NDRG4: variants seen among roughly 807,000 people sequenced by gnomAD.
The protein encoded by NDRG4 is protein NDRG4.
NDRG4 carries 38 observed loss-of-function variants against 55.8 expected under a neutral mutation model. The observed-to-expected ratio is 0.68, with a 90% CI of 0.53 to 0.89. The LOEUF (loss-of-function observed/expected upper bound fraction) is 0.89. Ranked by LOEUF, NDRG4 falls within the 40% of genes least tolerant of loss-of-function variation. The probability of loss-of-function intolerance (pLI) is 0.00; values close to 1 mark genes in which losing one functional copy is unlikely to be tolerated. For missense variants in NDRG4, 455 were observed against 468.6 expected (o/e 0.97, Z 0.27); for synonymous variants, 190 against 182.7 (o/e 1.04, Z -0.32).
rs2038668589 is a variant in NDRG4, at chr16:58,510,550, C to T, written c.866-95C>T. The T allele has an allele frequency of 9.4e-6, 10 of 1,062,996 alleles. No homozygotes were observed. The South Asian group carries it at 1.3e-4, about 14-fold the overall frequency. The allele number at this position is 1,062,996 out of a possible 1,614,324, so 65.8% of individuals were successfully genotyped here. On this transcript the variant is annotated intron_variant, in intron 13 of 14. Transcript: ENST00000570248. ...CCTGTCCTTTGTCCCATCTCTCTGG[C>T]TCATCTCAATGCCCTTGACTCAGCG...
At chr16:58,489,322 T>G (rs2035498000) in intron 2 of NDRG4, among the ~76,000 whole-genome samples, 1 of 151,950 alleles carries the variant, frequency 6.6e-6, no homozygotes, top group South Asian at 2.1e-4. Context: ...ACTTCTCTGC[T>G]TAACGAGCCA....
rs1425202382 is a variant in NDRG4, at chr16:58,508,978, A to G, written c.746A>G (p.Lys249Arg). The G allele has an allele frequency of 6.2e-7, 1 of 1,613,998 alleles. No individual in the cohort carries two copies. The highest frequency in any genetic ancestry group is 8.5e-7 in the Non-Finnish European group (1 of 1,179,970). The change falls in exon 11 of 15, where the codon AAA becomes AGA. Residue 249 changes from lysine to arginine, a missense_variant. Transcript: ENST00000570248. ...TGTCCTCAGGTGGAGTGCAACTCCA[A>G]ACTGGACCCGACCACTACGACCTTC... ...AEDGVVECNS[K>R]LDPTTTTFLK...
chr16:58,505,816 G>A (rs932311402), intron 5 of NDRG4, among the ~76,000 whole-genome samples: 1 of 141,624 alleles, frequency 7.1e-6, no homozygotes, highest in African/African-American at 2.6e-5. Context: ...CCACCTCCCT[G>A]GTTCAAGCAA....
Position 58,500,203 on chromosome 16 carries a change from C to G in NDRG4, c.-46C>G. On this transcript the variant is annotated 5_prime_UTR_variant, in exon 1 of 15. Transcript: ENST00000570248. ...CCCTCTGGACCCGAGTGACTCAGGC[C>G]TTTGTTTGTCCTTCCTGGTAGAGGC... 1 of 1,536,068 alleles carries G rather than the reference C, an allele frequency of 6.5e-7. No individual in the cohort carries two copies. Among genetic ancestry groups the G allele is most frequent in the Non-Finnish European group, 8.7e-7 (1 of 1,146,856 alleles).
intron 1 of NDRG4, among the ~76,000 whole-genome samples, chr16:58,481,435 G>C (rs1369627913): frequency 6.6e-6 from 1 of 152,084 alleles, no homozygotes; most frequent in African/African-American, 2.4e-5. Flanking sequence ...CTAAGACAGT[G>C]GGAATGTGCT....
At position 58,482,063 on chromosome 16, in the gene NDRG4, C is replaced by T. The variant is rs1461955957; in HGVS notation, c.-23-5693C>T. 3.9e-5 allele frequency among the ~76,000 whole-genome samples: 6 copies of T among 152,256 alleles called. No homozygotes were observed. In the East Asian group the frequency reaches 9.7e-4, roughly 25 times the overall value. On this transcript the variant is annotated intron_variant, in intron 1 of 15. Coordinates refer to the NDRG4 transcript ENST00000258187. ...CAGTAGGGATACACCAGGCCCACGGCGCCTGGGTGCAGAGGCCTGGACATG... is the reference window on the plus strand; with the variant it reads ...CAGTAGGGATACACCAGGCCCACGGTGCCTGGGTGCAGAGGCCTGGACATG...
At chr16:58,509,081 G>C (rs1455591462) in intron 11 of NDRG4, 72 bp downstream of exon 11, 1 of 1,613,724 alleles carries the variant, frequency 6.2e-7, no homozygotes, top group Non-Finnish European at 8.5e-7. Flanking sequence ...TGTTTTCCTG[G>C]GGTCCCAGCC....
At chr16:58,470,821 C>T (rs1038773585) in intron 1 of NDRG4, among the ~76,000 whole-genome samples, 3 of 147,664 alleles carry the variant, frequency 2.0e-5, no homozygotes, top group South Asian at 2.1e-4. Flanking sequence ...GCAGGAGGAT[C>T]GCTTGAACCT....
intron 1 of NDRG4, among the ~76,000 whole-genome samples, chr16:58,479,281 G>C (rs2034114096): frequency 6.6e-6 from 1 of 152,160 alleles, no homozygotes; most frequent in Non-Finnish European, 1.5e-5. Context: ...CTCTGTTTGA[G>C]TGGAGCTGCC....
intron 1 of NDRG4, among the ~76,000 whole-genome samples, chr16:58,478,993 G>A (rs960611280): frequency 2.0e-5 from 3 of 151,906 alleles, no homozygotes; most frequent in African/African-American, 7.3e-5. Flanking sequence ...GCCAATATAT[G>A]TACCTGTTCA....
In NDRG4 at chr16:58,510,700, T is replaced by A. The variant is rs1429333505; in HGVS notation, c.904+17T>A. On this transcript the variant is annotated intron_variant, in intron 14 of 14. Coordinates refer to ENST00000570248, the MANE Select transcript of NDRG4 (RefSeq NM_001242835.2). Reference sequence around the variant, plus strand: ...GAGGAGCAGGTAGCCCCACGGCCCTTCCCCTGATGCATGGACGCCCAGCCT... The same window carrying A: ...GAGGAGCAGGTAGCCCCACGGCCCTACCCCTGATGCATGGACGCCCAGCCT... 1.7e-5 allele frequency: 26 copies of A among 1,535,414 alleles called. No homozygotes were observed. Among genetic ancestry groups the A allele is most frequent in the Non-Finnish European group, 2.3e-5 (26 of 1,146,496 alleles).
At chr16:58,499,688 T>G (rs2036823397), upstream of NDRG4, 1 of 158,776 alleles carries the variant, frequency 6.3e-6, no homozygotes, top group Non-Finnish European at 1.4e-5. Flanking sequence ...TGGGGCCCTC[T>G]CGGGCCCTCC....
chr16:58,505,708 ATTTTCTTTTTTTTTT>A (rs1192796608), intron 5 of NDRG4, among the ~76,000 whole-genome samples: 2 of 70,632 alleles, frequency 2.8e-5, no homozygotes, highest in East Asian at 4.3e-4. Flanking sequence ...TGAGGGCTTC[ATTTTCTTTTTTTTTT>A]TTTTTTTTTT....
At chr16:58,486,178 T>C (rs1032554037) in intron 1 of NDRG4, among the ~76,000 whole-genome samples, 18 of 152,172 alleles carry the variant, frequency 1.2e-4, no homozygotes, top group African/African-American at 3.9e-4. Flanking sequence ...ATTCATTCAT[T>C]TGAGACACGG....
Position 58,504,627 on chromosome 16 carries a change from C to T in NDRG4, c.350C>T (p.Ala117Val). The T allele has an allele frequency of 6.2e-7, 1 of 1,614,160 alleles. No individual in the cohort carries two copies. Among genetic ancestry groups the T allele is most frequent in the East Asian group, 2.2e-5 (1 of 44,868 alleles). Residue 117 changes from alanine to valine, a missense_variant, in exon 5 of 15, where the codon GCC (alanine) becomes GTC (valine). Transcript: ENST00000570248. ...ATTGGCATCGGAGTGGGCGCCGGAGCCTATGTGCTGGCCAAGTTTGCAGTG... is the reference window on the plus strand; with the variant it reads ...ATTGGCATCGGAGTGGGCGCCGGAGTCTATGTGCTGGCCAAGTTTGCAGTG... ...YVIGIGVGAGAYVLAKFALIF... is the reference protein window; with the variant it reads ...YVIGIGVGAGVYVLAKFALIF...
chr16:58,489,639 C>T (rs1437017122), intron 2 of NDRG4, among the ~76,000 whole-genome samples: 2 of 152,028 alleles, frequency 1.3e-5, no homozygotes, highest in Non-Finnish European at 2.9e-5. Flanking sequence ...GTTCCCAGGA[C>T]AGAGATCTGT....
At chr16:58,507,607 G>A (rs1440976112) in intron 8 of NDRG4, 1 of 585,288 alleles carries the variant, frequency 1.7e-6, no homozygotes, top group South Asian at 2.2e-5. Context: ...ATGGCTCTGA[G>A]GGGGATAGAG....
intron 2 of NDRG4, among the ~76,000 whole-genome samples, chr16:58,490,584 C>T (rs567210822): frequency 1.1e-4 from 16 of 152,330 alleles, no homozygotes; most frequent in East Asian, 1.9e-4. Context: ...TGAGGGTCTC[C>T]GTTTCAGATC....
chr16:58,497,812 G>A (rs1257902775), upstream of NDRG4, among the ~76,000 whole-genome samples: 1 of 152,180 alleles, frequency 6.6e-6, no homozygotes, highest in Non-Finnish European at 1.5e-5. Context: ...CACACAGGCT[G>A]CCTCATTTCT....
Sources: gnomAD v4.1 joint callset for allele counts (sites outside exome capture counted in the v4.1 genomes callset) on GRCh38, gnomAD v4.1.1 for gene constraint, MANE v1.5 for transcripts, NCBI Gene and HGNC (gene_info 2026-07-23, HGNC 2026-07-21) for gene names.